SORCS1: variants seen among roughly 807,000 people sequenced by gnomAD.
The protein encoded by SORCS1 is sortilin related VPS10 domain containing receptor 1, also known as VPS10 domain-containing receptor SorCS1.
Under a neutral mutation model 146.1 loss-of-function variants are expected in SORCS1, and 60 were observed. That is an observed-to-expected ratio of 0.41 (90% CI 0.33 to 0.51). The LOEUF (loss-of-function observed/expected upper bound fraction) is 0.51, where lower values mean the gene tolerates loss of function less well. SORCS1 is among the 20% of genes least tolerant of loss of function. SORCS1 has a pLI of 0.21. For synonymous variants in SORCS1, 637 were observed against 584.0 expected, an observed-to-expected ratio of 1.09 and a Z score of -1.31; for missense variants, 1,352 against 1,487.6, an observed-to-expected ratio of 0.91 and a Z score of 1.50.
chr10:106,888,575 T>C (rs918962142), intron 2 of SORCS1, among the ~76,000 whole-genome samples: 1 of 152,214 alleles, frequency 6.6e-6, no homozygotes, highest in Non-Finnish European at 1.5e-5. Flanking sequence ...TTAGCCTTGG[T>C]TACATTACAT....
At chr10:106,593,731 A>T (rs778343306) in intron 24 of SORCS1, among the ~76,000 whole-genome samples, 3 of 151,928 alleles carry the variant, frequency 2.0e-5, no homozygotes, top group African/African-American at 7.3e-5. Context: ...GAATTTTCTC[A>T]CTCTCTCCAA....
chr10:107,101,207 CTAA>C, intron 1 of SORCS1, among the ~76,000 whole-genome samples: 1 of 152,266 alleles, frequency 6.6e-6, no homozygotes, highest in South Asian at 2.1e-4. Context: ...CCACACCTGG[CTAA>C]TAGTTTATAT....
chr10:106,854,714 T>C (rs925142165), intron 2 of SORCS1, among the ~76,000 whole-genome samples: 2 of 152,066 alleles, frequency 1.3e-5, no homozygotes, highest in Non-Finnish European at 2.9e-5. Context: ...CACTACTTCA[T>C]GGGGAGTGCA....
chr10:106,578,742 C>G, intron 25 of SORCS1: 1 of 1,106,984 alleles, frequency 9.0e-7, no homozygotes, highest in Non-Finnish European at 1.1e-6. Context: ...CCCTCTGGTC[C>G]ACCAGCCTTA....
chr10:106,788,706 C>T (rs75734734), intron 3 of SORCS1, among the ~76,000 whole-genome samples: 231 of 152,304 alleles, frequency 1.5e-3, no homozygotes, highest in Non-Finnish European at 2.7e-3. Flanking sequence ...TTGCAGGGTA[C>T]GGCACCCCTC....
chr10:106,842,868 C>T (rs963442978), intron 2 of SORCS1, among the ~76,000 whole-genome samples: 1 of 152,120 alleles, frequency 6.6e-6, no homozygotes, highest in Non-Finnish European at 1.5e-5. Flanking sequence ...CCACCTCAGC[C>T]TCCCAAAGTG....
chr10:106,808,024 T>C (rs1264890662), intron 3 of SORCS1, among the ~76,000 whole-genome samples: 1 of 152,154 alleles, frequency 6.6e-6, no homozygotes, highest in African/African-American at 2.4e-5. Context: ...CTATTTTTAT[T>C]TATTTTTATT....
Position 106,908,087 on chromosome 10 carries a change from A to G in SORCS1, c.626+48426T>C, listed in dbSNP as rs148996054. ...TTTTTCTGGGTAGAGATCTCTCTAT[A>G]CAGGTCAGGACTATATGTCATTTCT... is the stretch of plus-strand genomic sequence containing the variant. On this transcript the variant is annotated intron_variant, in intron 2 of 25. Coordinates refer to ENST00000263054, the MANE Select transcript of SORCS1 (RefSeq NM_052918.5). 1.5e-3 allele frequency among the ~76,000 whole-genome samples: 225 copies of G among 152,228 alleles called. 1 individual carries two copies. The highest frequency in any genetic ancestry group is 5.0e-3 in the African/African-American group (207 of 41,540).
intron 2 of SORCS1, among the ~76,000 whole-genome samples, chr10:106,920,361 G>T (rs901504968): frequency 1.4e-4 from 21 of 152,148 alleles, no homozygotes; most frequent in Non-Finnish European, 2.9e-4. Context: ...CAGGCCCCCG[G>T]GCTTTCTATT....
At chr10:106,923,488 G>C (rs1483073909) in intron 2 of SORCS1, among the ~76,000 whole-genome samples, 1 of 152,186 alleles carries the variant, frequency 6.6e-6, no homozygotes, top group Non-Finnish European at 1.5e-5. Context: ...AAGGCAGCTT[G>C]ATTGTTGGAT....
chr10:106,581,261 A>C (rs544108693), intron 24 of SORCS1, among the ~76,000 whole-genome samples: 2 of 152,062 alleles, frequency 1.3e-5, no homozygotes, highest in East Asian at 3.9e-4. Context: ...TGTTGTTTTA[A>C]AAGGACTTAG....
chr10:107,130,261 G>A (rs1966852927), intron 1 of SORCS1, among the ~76,000 whole-genome samples: 1 of 152,212 alleles, frequency 6.6e-6, no homozygotes, highest in South Asian at 2.1e-4. Flanking sequence ...AAAAAAAATA[G>A]GTTTCTCATC....
chr10:106,993,797 G>A (rs1956871909), intron 1 of SORCS1, among the ~76,000 whole-genome samples: 1 of 152,078 alleles, frequency 6.6e-6, no homozygotes, highest in South Asian at 2.1e-4. Context: ...AATGAGGCCA[G>A]GTGCCGTAGT....
At chr10:106,852,423 A>T (rs1335836300) in intron 2 of SORCS1, among the ~76,000 whole-genome samples, 1 of 152,000 alleles carries the variant, frequency 6.6e-6, no homozygotes. Flanking sequence ...AGGTCAAGAG[A>T]TCAAGACCAT....
intron 1 of SORCS1, among the ~76,000 whole-genome samples, chr10:107,084,518 T>C (rs1963617352): frequency 6.6e-6 from 1 of 151,992 alleles, no homozygotes; most frequent in African/African-American, 2.4e-5. Flanking sequence ...TGTATATGTA[T>C]GGGAAGAGAA....
chr10:106,676,837 C>T (rs986808321), intron 13 of SORCS1, among the ~76,000 whole-genome samples: 2 of 152,174 alleles, frequency 1.3e-5, no homozygotes, highest in Admixed American at 6.5e-5. Flanking sequence ...AACCAACCAT[C>T]AGGCCTCCCA....
intron 1 of SORCS1, among the ~76,000 whole-genome samples, chr10:106,985,587 G>A (rs1956435701): frequency 6.7e-6 from 1 of 149,244 alleles, no homozygotes; most frequent in Non-Finnish European, 1.5e-5. Flanking sequence ...CCAGGTTGGA[G>A]TGCAGTGGCA....
intron 1 of SORCS1, among the ~76,000 whole-genome samples, chr10:107,038,108 C>T (rs1166150810): frequency 6.6e-6 from 1 of 152,188 alleles, no homozygotes; most frequent in Non-Finnish European, 1.5e-5. Context: ...CAGGCGTGAG[C>T]CACTGCACCC....
At position 107,148,717 on chromosome 10, in the gene SORCS1, C is replaced by A. The variant is rs527997816; in HGVS notation, c.558+15252G>T. Among the ~76,000 whole-genome samples, 80 of 152,272 alleles carry A rather than the reference C, an allele frequency of 5.3e-4. 1 individual carries two copies. Among genetic ancestry groups the A allele is most frequent in the Admixed American group, 5.0e-3 (77 of 15,298 alleles). ...TTATAAAGTTGGTGAGCTTTTAAGG[C>A]AAATATAATTTTCCCTTCTCCCTGC... On this transcript the variant is annotated intron_variant, in intron 1 of 25. Coordinates refer to ENST00000263054, the MANE Select transcript of SORCS1 (RefSeq NM_052918.5).
Sources: gnomAD v4.1 joint callset for allele counts (sites outside exome capture counted in the v4.1 genomes callset) on GRCh38, gnomAD v4.1.1 for gene constraint, MANE v1.5 for transcripts, NCBI Gene and HGNC (gene_info 2026-07-23, HGNC 2026-07-21) for gene names.